Variants in MACROD1 observed in about 807,000 individuals in gnomAD.
MACROD1 encodes the protein mono-ADP ribosylhydrolase 1, also known as ADP-ribose glycohydrolase MACROD1.
A neutral mutation model predicts 41.4 loss-of-function variants in MACROD1; 31 were observed. The observed-to-expected ratio is 0.75, with a 90% CI of 0.56 to 1.01. The LOEUF is 1.01. MACROD1 is among the 50% of genes least tolerant of loss of function. The probability of loss-of-function intolerance (pLI) is 0.00; values close to 1 mark genes in which losing one functional copy is unlikely to be tolerated. For synonymous variants in MACROD1, 252 were observed against 203.4 expected (o/e 1.24, Z -2.03); for missense variants, 473 against 460.0 (o/e 1.03, Z -0.26).
At chr11:64,071,619 C>T (rs1319759296) in intron 3 of MACROD1, among the ~76,000 whole-genome samples, 2 of 152,180 alleles carry the variant, frequency 1.3e-5, no homozygotes, top group African/African-American at 2.4e-5. Context: ...CAGGTTCTGT[C>T]GTATCACCTC....
At chr11:64,035,897 G>A (rs1444857869) in intron 3 of MACROD1, 4 of 145,872 alleles carry the variant, frequency 2.7e-5, no homozygotes, top group East Asian at 2.0e-4. Flanking sequence ...GCACCCGCCC[G>A]GGCACACGCA....
At chr11:64,084,158 G>C (rs1444435638) in intron 3 of MACROD1, among the ~76,000 whole-genome samples, 1 of 152,146 alleles carries the variant, frequency 6.6e-6, no homozygotes, top group African/African-American at 2.4e-5. Context: ...CATGGCACGC[G>C]CGCCTTCTGC....
At chr11:64,105,449 T>A (rs1944744388) in intron 3 of MACROD1, among the ~76,000 whole-genome samples, 4 of 152,212 alleles carry the variant, frequency 2.6e-5, no homozygotes, top group African/African-American at 9.6e-5. Context: ...TGTGAGCATG[T>A]GACCTTGGAC....
intron 4 of MACROD1, among the ~76,000 whole-genome samples, chr11:64,005,818 G>A (rs796121807): frequency 3.9e-5 from 6 of 152,358 alleles, no homozygotes; most frequent in African/African-American, 1.4e-4. Flanking sequence ...GCAGGCAGGA[G>A]GGCTGGAGAC....
intron 3 of MACROD1, among the ~76,000 whole-genome samples, chr11:64,123,236 G>A (rs903150325): frequency 3.5e-4 from 53 of 152,206 alleles, no homozygotes; most frequent in East Asian, 1.2e-3. Flanking sequence ...TACTCGATTG[G>A]CACAGGTGAC....
chr11:64,109,388 C>CA (rs1707249102), intron 3 of MACROD1, among the ~76,000 whole-genome samples: 2 of 152,142 alleles, frequency 1.3e-5, no homozygotes, highest in African/African-American at 2.4e-5. Context: ...ACTGCTCCCC[C>CA]AGACCTGGGA....
rs1945119237 is a variant in MACROD1, at chr11:64,122,778, C to T, written c.517+28461G>A. Among the ~76,000 whole-genome samples, 1 of 152,138 alleles carries T rather than the reference C, an allele frequency of 6.6e-6. No individual in the cohort carries two copies. Among genetic ancestry groups the T allele is most frequent in the African/African-American group, 2.4e-5 (1 of 41,424 alleles). On this transcript the variant is annotated intron_variant, in intron 3 of 10. Transcript: ENST00000255681. The surrounding 1 kb of genome is among the most constrained non-coding windows in gnomAD (Gnocchi z 4.0). ...CTGAAAGGTTCTAGCTGGCCCAAGT[C>T]AGGTGAGGGATCCCTGAAGGGTTGG...
chr11:64,061,288 C>T (rs1319622488), intron 3 of MACROD1, among the ~76,000 whole-genome samples: 4 of 152,212 alleles, frequency 2.6e-5, no homozygotes, highest in South Asian at 2.1e-4. Context: ...GGATGCTCCG[C>T]GCGCCGACTT....
chr11:64,143,743 G>GACACACACACACACACACAC (rs1355483787), intron 3 of MACROD1, among the ~76,000 whole-genome samples: 1 of 71,484 alleles, frequency 1.4e-5, no homozygotes, highest in Admixed American at 1.2e-4. Flanking sequence ...CCCCAACCCC[G>GACACACACACACACACACAC]ACACACACAT....
In MACROD1 at chr11:64,116,912, G is replaced by A. The variant is rs551906732; in HGVS notation, c.517+34327C>T. 514 of 1,611,358 alleles carry A rather than the reference G, an allele frequency of 3.2e-4. 2 individuals carry two copies. The highest frequency in any genetic ancestry group is 2.1e-5 in the Non-Finnish European group (25 of 1,180,020). Reference sequence around the variant, plus strand: ...ACAACCGCATCTCCACCATCCCGCTGCATGCCTTCAAGGGCCTCAACAGCC... The same window carrying A: ...ACAACCGCATCTCCACCATCCCGCTACATGCCTTCAAGGGCCTCAACAGCC... On this transcript the variant is annotated intron_variant, in intron 3 of 10. Transcript: ENST00000255681.
intron 3 of MACROD1, among the ~76,000 whole-genome samples, chr11:64,061,330 CT>C (rs1332951211): frequency 6.6e-6 from 1 of 152,212 alleles, no homozygotes; most frequent in Non-Finnish European, 1.5e-5. Flanking sequence ...CACGCTGAGC[CT>C]CCGCCCCCAG....
At chr11:64,001,855 G>C (rs1385184628) in intron 4 of MACROD1, 1 of 678,390 alleles carries the variant, frequency 1.5e-6, no homozygotes, top group African/African-American at 1.8e-5. Flanking sequence ...GTGGAGCTGG[G>C]CAACGTGAGT....
At chr11:64,016,391 G>A (rs968887763) in intron 3 of MACROD1, among the ~76,000 whole-genome samples, 3 of 152,234 alleles carry the variant, frequency 2.0e-5, no homozygotes, top group African/African-American at 2.4e-5. Context: ...GGCCAGCTGC[G>A]CCCGCCCCTC....
At chr11:64,093,414 G>A (rs917028210) in intron 3 of MACROD1, among the ~76,000 whole-genome samples, 1 of 152,218 alleles carries the variant, frequency 6.6e-6, no homozygotes, top group Non-Finnish European at 1.5e-5. Context: ...TGAGTGAGCC[G>A]GGAAGCCAGG....
At chr11:64,043,797 T>C (rs903617487) in intron 3 of MACROD1, among the ~76,000 whole-genome samples, 5 of 150,918 alleles carry the variant, frequency 3.3e-5, no homozygotes, top group African/African-American at 1.2e-4. Context: ...CAAGGTCACG[T>C]AGCCAGGACA....
chr11:63,998,816 CACGGGGCGAGGCCCTGCTT>C lies in MACROD1; in HGVS notation c.*30+3_*30+21del. 1 of 1,514,536 alleles carries C rather than the reference CACGGGGCGAGGCCCTGCTT, an allele frequency of 6.6e-7. No individual in the cohort carries two copies. Among genetic ancestry groups the C allele is most frequent in the East Asian group, 2.3e-5 (1 of 43,208 alleles). 93.8% of individuals were successfully genotyped at this position (1,514,536 alleles called of 1,614,324 possible). A position where few individuals can be genotyped will look rare whatever the true frequency, so the allele number is the denominator to read the frequency against. ...GGTTAGTCTAGGGCCGGGGCCGCCG[CACGGGGCGAGGCCCTGCTT>C]ACCAGTCCCGGTCAGGGTGGGCTGC... On this transcript the variant is annotated splice_donor_5th_base_variant and intron_variant, in intron 10 of 10. Transcript: ENST00000255681.
rs79709910 is a variant in MACROD1, at chr11:64,161,538, G to A, written c.298+4159C>T. ...GCTGAAAGTGTGATTTGAATGTAACGATGAAAAGTGTAGCAGTCTTCAAGG... is the reference window on the plus strand; with the variant it reads ...GCTGAAAGTGTGATTTGAATGTAACAATGAAAAGTGTAGCAGTCTTCAAGG... On this transcript the variant is annotated intron_variant, in intron 1 of 10. Coordinates refer to ENST00000255681, the MANE Select transcript of MACROD1 (RefSeq NM_014067.4). Among the ~76,000 whole-genome samples the A allele has an allele frequency of 4.1e-4, 62 of 152,318 alleles. No individual in the cohort carries two copies. The East Asian group carries it at 8.9e-3, about 22-fold the overall frequency.
chr11:64,041,647 G>A (rs1008756380), intron 3 of MACROD1, among the ~76,000 whole-genome samples: 1 of 152,174 alleles, frequency 6.6e-6, no homozygotes, highest in African/African-American at 2.4e-5. Context: ...AGCTGGTGTG[G>A]TGGCAGTGGA....
At chr11:64,116,544 A>T (rs778753938) in intron 3 of MACROD1, 1 of 1,613,970 alleles carries the variant, frequency 6.2e-7, no homozygotes, top group Non-Finnish European at 8.5e-7. Context: ...GAACAACCAG[A>T]TCAACAACGC....
Sources: gnomAD v4.1 joint callset for allele counts (sites outside exome capture counted in the v4.1 genomes callset) on GRCh38, gnomAD v4.1.1 for gene constraint, Gnocchi (gnomAD v3.1) non-coding constraint, MANE v1.5 for transcripts, NCBI Gene and HGNC (gene_info 2026-07-23, HGNC 2026-07-21) for gene names.